The following NXN variants were observed in gnomAD, a reference collection of about 807,000 sequenced individuals.
The protein encoded by NXN is nucleoredoxin 1.
In NXN, 16 loss-of-function variants were observed where a neutral mutation model predicts 48.6. That is an observed-to-expected ratio of 0.33 (90% CI 0.22 to 0.50). NXN has a LOEUF of 0.50. Ranked by LOEUF, NXN falls within the 20% of genes least tolerant of loss-of-function variation. The pLI is 0.98. For missense variants in NXN, 492 were observed against 605.5 expected (o/e 0.81, Z 1.97); for synonymous variants, 281 against 269.6 (o/e 1.04, Z -0.41).
At position 865,803 on chromosome 17, in the gene NXN, G is replaced by C. The variant is rs1342580181; in HGVS notation, c.361-39725C>G. ...GTTCGAGACCAGCCTGACCAACATG[G>C]AGAAACCCCATCTCTACTAAAAATA... On this transcript the variant is annotated intron_variant, in intron 1 of 7. Transcript: ENST00000336868. Among the ~76,000 whole-genome samples, 5 of 151,948 alleles carry C rather than the reference G, an allele frequency of 3.3e-5. No individual in the cohort carries two copies. In the East Asian group the frequency reaches 9.9e-4, roughly 30 times the overall value.
chr17:875,848 C>T (rs553667066), intron 1 of NXN, among the ~76,000 whole-genome samples: 5 of 152,234 alleles, frequency 3.3e-5, no homozygotes, highest in South Asian at 2.1e-4. Flanking sequence ...CCTCCTGCCC[C>T]GGCCTCCCAA....
At position 906,761 on chromosome 17, in the gene NXN, G is replaced by T. The variant is rs528233421; in HGVS notation, c.360+72558C>A. ...TTTTTTTTTTTTTAGTGGAAATCGG[G>T]TTTCATTATGTTGGCCAGTCTGGTC... On this transcript the variant is annotated intron_variant, in intron 1 of 7. Coordinates refer to ENST00000336868, the MANE Select transcript of NXN (RefSeq NM_022463.5). Among the ~76,000 whole-genome samples, 55 of 151,564 alleles carry T rather than the reference G, an allele frequency of 3.6e-4. 1 individual carries two copies. Among genetic ancestry groups the T allele is most frequent in the African/African-American group, 1.1e-3 (45 of 41,298 alleles).
chr17:845,128 G>T (rs1368931805), intron 1 of NXN, among the ~76,000 whole-genome samples: 1 of 152,180 alleles, frequency 6.6e-6, no homozygotes, highest in Non-Finnish European at 1.5e-5. Flanking sequence ...AGTGAGAAAG[G>T]TCAACTTCAT....
intron 1 of NXN, among the ~76,000 whole-genome samples, chr17:945,661 G>A (rs2069035304): frequency 6.7e-6 from 1 of 150,108 alleles, no homozygotes; most frequent in Non-Finnish European, 1.5e-5. Flanking sequence ...TTTCCCAGAT[G>A]ACAGAGTTAG....
chr17:909,914 A>G (rs1224335275), intron 1 of NXN: 2 of 152,178 alleles, frequency 1.3e-5, no homozygotes, highest in African/African-American at 4.8e-5. Context: ...GACAGAGGAC[A>G]ACGTCTTAAA....
intron 3 of NXN, among the ~76,000 whole-genome samples, chr17:823,191 G>C (rs1343781023): frequency 6.6e-6 from 1 of 151,954 alleles, no homozygotes; most frequent in Non-Finnish European, 1.5e-5. Flanking sequence ...CTGAGGTCAG[G>C]AGTTCGAGAC....
rs140222619 is a variant in NXN at position 876,906 on chromosome 17, G to A, written c.361-50828C>T. Among the ~76,000 whole-genome samples the A allele has an allele frequency of 9.2e-3, 1,397 of 151,952 alleles. 15 individuals carry two copies. The highest frequency in any genetic ancestry group is 0.032 in the African/African-American group (1,327 of 41,452). ...TACTAAAAACACAAAAAATTAGCCG[G>A]GTATGGTGGCGGTCGCCTGTAATCC... On this transcript the variant is annotated intron_variant, in intron 1 of 7. Transcript: ENST00000336868.
At chr17:896,200 C>T (rs532898443) in intron 1 of NXN, among the ~76,000 whole-genome samples, 9 of 151,988 alleles carry the variant, frequency 5.9e-5, no homozygotes, top group East Asian at 1.9e-4. Context: ...ATTAGCCGGG[C>T]GTGGTGGCGC....
At position 937,230 on chromosome 17, in the gene NXN, C is replaced by T. The variant is rs1409173503; in HGVS notation, c.360+42089G>A. 1.6e-4 allele frequency among the ~76,000 whole-genome samples: 25 copies of T among 152,156 alleles called. 1 individual carries two copies. The Middle Eastern group carries it at 0.01, about 62-fold the overall frequency. Reference sequence around the variant, plus strand: ...AACTACTGAGCTCGGGTGATCCGCCCGCCTCGGCCTCCCAAGGTGCTGGGT... The same window carrying T: ...AACTACTGAGCTCGGGTGATCCGCCTGCCTCGGCCTCCCAAGGTGCTGGGT... On this transcript the variant is annotated intron_variant, in intron 1 of 7. Coordinates refer to ENST00000336868, the MANE Select transcript of NXN (RefSeq NM_022463.5).
In NXN at chr17:825,832, T is replaced by C. The variant is rs1168293638; in HGVS notation, c.478+129A>G. The stretch of plus-strand genomic sequence containing the variant: ...ATGATTTCACCAAGACGACATTCTC[T>C]ACCACGTAAACCCACGTGTATCTAT... On this transcript the variant is annotated intron_variant, in intron 2 of 7. Transcript: ENST00000336868. This position sits in a 1 kb window ranked among gnomAD's most constrained non-coding sequence, Gnocchi z 4.1. 1.4e-5 allele frequency: 9 copies of C among 647,938 alleles called. No homozygotes were observed. The highest frequency in any genetic ancestry group is 2.5e-5 in the Non-Finnish European group (9 of 361,374). 40.1% of individuals were successfully genotyped at this position (647,938 alleles called of 1,614,324 possible).
intron 1 of NXN, among the ~76,000 whole-genome samples, chr17:881,298 A>G (rs1276520318): frequency 1.3e-5 from 2 of 152,216 alleles, no homozygotes; most frequent in African/African-American, 4.8e-5. Flanking sequence ...CCCAGGCTGG[A>G]GTGCAGTGGT....
intron 1 of NXN, among the ~76,000 whole-genome samples, chr17:861,650 G>T (rs914121889): frequency 2.6e-5 from 4 of 152,118 alleles, no homozygotes; most frequent in Non-Finnish European, 4.4e-5. Flanking sequence ...ATGCTTACAC[G>T]ATGCTGGGAA....
intron 1 of NXN, among the ~76,000 whole-genome samples, chr17:913,169 C>T (rs1325294206): frequency 6.6e-6 from 1 of 152,018 alleles, no homozygotes; most frequent in Non-Finnish European, 1.5e-5. Flanking sequence ...TAAATAGAGG[C>T]TAACTTCTTA....
intron 1 of NXN, among the ~76,000 whole-genome samples, chr17:879,075 G>A (rs535971922): frequency 6.6e-6 from 1 of 151,962 alleles, no homozygotes; most frequent in Non-Finnish European, 1.5e-5. Flanking sequence ...TGAGGCAGGA[G>A]AATCACTTGA....
At chr17:869,724 C>T (rs969877402) in intron 1 of NXN, among the ~76,000 whole-genome samples, 2 of 152,210 alleles carry the variant, frequency 1.3e-5, no homozygotes, top group Admixed American at 6.5e-5. Context: ...GGAAGGCGGA[C>T]GTGGTCAGTC....
chr17:916,250 G>C (rs942171250), intron 1 of NXN, among the ~76,000 whole-genome samples: 3 of 152,248 alleles, frequency 2.0e-5, no homozygotes, highest in South Asian at 2.1e-4. Context: ...AACAGGAAAA[G>C]CCACAAGGAG....
intron 1 of NXN, among the ~76,000 whole-genome samples, chr17:934,029 T>C (rs1417127659): frequency 6.6e-6 from 1 of 152,242 alleles, no homozygotes; most frequent in African/African-American, 2.4e-5. Context: ...CAAACTTCAA[T>C]TAATTTTTAA....
chr17:851,791 A>G (rs1335743624), intron 1 of NXN, among the ~76,000 whole-genome samples: 1 of 152,260 alleles, frequency 6.6e-6, no homozygotes, highest in Non-Finnish European at 1.5e-5. Flanking sequence ...CTCGCCATAA[A>G]TAGAGGCTAA....
intron 1 of NXN, among the ~76,000 whole-genome samples, chr17:922,832 T>C (rs2068761813): frequency 1.3e-5 from 2 of 151,940 alleles, no homozygotes; most frequent in Non-Finnish European, 2.9e-5. Flanking sequence ...TTTGTATTTT[T>C]AGTAGAGACG....
Sources: gnomAD v4.1 joint callset for allele counts (sites outside exome capture counted in the v4.1 genomes callset) on GRCh38, gnomAD v4.1.1 for gene constraint, Gnocchi (gnomAD v3.1) non-coding constraint, MANE v1.5 for transcripts, NCBI Gene and HGNC (gene_info 2026-07-23, HGNC 2026-07-21) for gene names.